Variants in STK32B observed in about 807,000 individuals in gnomAD.
The protein encoded by STK32B is serine/threonine-protein kinase 32B.
STK32B carries 43 observed loss-of-function variants against 52.6 expected under a neutral mutation model. The ratio of observed to expected loss-of-function variants is 0.82; its 90% CI spans 0.64 to 1.05. The LOEUF is 1.05. STK32B is among the 50% of genes least tolerant of loss of function. The pLI, the probability that STK32B is intolerant of heterozygous loss-of-function variation, is 0.00. For missense variants in STK32B, 621 were observed against 534.6 expected (o/e 1.16, Z -1.59); for synonymous variants, 238 against 204.3 (o/e 1.17, Z -1.41).
At chr4:5,497,500 C>T (rs1464403371) in intron 11 of STK32B, among the ~76,000 whole-genome samples, 1 of 152,218 alleles carries the variant, frequency 6.6e-6, no homozygotes, top group Non-Finnish European at 1.5e-5. Context: ...CCATGACCAC[C>T]TTTCCCAGTT....
chr4:5,368,984 C>T (rs2109008860), intron 4 of STK32B, among the ~76,000 whole-genome samples: 1 of 152,196 alleles, frequency 6.6e-6, no homozygotes, highest in Non-Finnish European at 1.5e-5. Context: ...AGAATTGTAG[C>T]TGGGCATGTG....
chr4:5,245,406 C>A (rs1020551150), intron 3 of STK32B, among the ~76,000 whole-genome samples: 53 of 152,236 alleles, frequency 3.5e-4, no homozygotes, highest in African/African-American at 1.2e-3. Context: ...GCAACCCCTG[C>A]CTTTTTTTGT....
chr4:5,047,941 G>A (rs1312550365), upstream of STK32B, among the ~76,000 whole-genome samples: 10 of 152,162 alleles, frequency 6.6e-5, no homozygotes, highest in South Asian at 2.1e-4. Context: ...CTTTTCAAGA[G>A]ACAGAGAAGA....
chr4:5,125,461 C>G (rs1392155685), intron 1 of STK32B, among the ~76,000 whole-genome samples: 1 of 152,208 alleles, frequency 6.6e-6, no homozygotes. Context: ...AGACAGGAAT[C>G]AAGGGATTCA....
At chr4:5,488,015 C>T (rs1719379123) in intron 11 of STK32B, among the ~76,000 whole-genome samples, 1 of 152,108 alleles carries the variant, frequency 6.6e-6, no homozygotes, top group South Asian at 2.1e-4. Flanking sequence ...TAATTTAGGA[C>T]CTAGGCTGGT....
In STK32B at chr4:5,468,082, A is replaced by G. The variant is rs1384215929; in HGVS notation, c.1106+12A>G. The G allele has an allele frequency of 1.2e-6, 2 of 1,613,572 alleles. No individual in the cohort carries two copies. The highest frequency in any genetic ancestry group is 1.7e-6 in the Non-Finnish European group (2 of 1,179,604). On this transcript the variant is annotated intron_variant, in intron 11 of 11. Transcript: ENST00000282908. ...TTCAACAGAGAGAAGTAAGTCCTTC[A>G]TACTGTCCCCCTTGGGCAAAGCCTG...
chr4:5,068,727 A>G (rs919721456), intron 1 of STK32B, among the ~76,000 whole-genome samples: 5 of 152,100 alleles, frequency 3.3e-5, no homozygotes, highest in Admixed American at 2.6e-4. Context: ...CATGACTTTA[A>G]TAGAATTTTT....
Position 5,378,601 on chromosome 4 carries a change from CT to C in STK32B, c.435-19599del, listed in dbSNP as rs1026711265. ...TGTCTTCTCCACTGGTTTGGAAGCCCTTTTTTTCTAATTTTTATGGGTACAT... is the reference window on the plus strand; with the variant it reads ...TGTCTTCTCCACTGGTTTGGAAGCCCTTTTTTCTAATTTTTATGGGTACAT... On this transcript the variant is annotated intron_variant, in intron 4 of 11. Transcript: ENST00000282908. This position sits in a 1 kb window ranked among gnomAD's most constrained non-coding sequence, Gnocchi z 4.4. Among the ~76,000 whole-genome samples, 7 of 151,894 alleles carry C rather than the reference CT, an allele frequency of 4.6e-5. No individual in the cohort carries two copies. The highest frequency in any genetic ancestry group is 1.7e-4 in the African/African-American group (7 of 41,334).
intron 3 of STK32B, among the ~76,000 whole-genome samples, chr4:5,199,722 G>A (rs1160131112): frequency 2.0e-5 from 3 of 151,968 alleles, no homozygotes; most frequent in East Asian, 3.9e-4. Context: ...AATTGTCCAG[G>A]TCTTTAAATG....
At chr4:5,406,803 C>T (rs1278234489) in intron 5 of STK32B, among the ~76,000 whole-genome samples, 1 of 152,178 alleles carries the variant, frequency 6.6e-6, no homozygotes, top group Non-Finnish European at 1.5e-5. Flanking sequence ...TTTAGGCCTC[C>T]AGGCCTATGA....
intron 3 of STK32B, among the ~76,000 whole-genome samples, chr4:5,257,062 A>T (rs886760936): frequency 3.3e-5 from 5 of 149,842 alleles, no homozygotes; most frequent in African/African-American, 1.3e-4. Flanking sequence ...TGAATATGTG[A>T]GTAAATGAAT....
chr4:5,053,056 G>T (rs1377432054), intron 1 of STK32B, among the ~76,000 whole-genome samples: 1 of 152,208 alleles, frequency 6.6e-6, no homozygotes, highest in East Asian at 1.9e-4. Flanking sequence ...GTACATCATG[G>T]ATGGCTTCTA....
At chr4:5,173,013 C>G (rs1577139684) in intron 3 of STK32B, among the ~76,000 whole-genome samples, 1 of 152,302 alleles carries the variant, frequency 6.6e-6, no homozygotes, top group East Asian at 1.9e-4. Flanking sequence ...TTCAGAGATT[C>G]AAATTCTTCT....
intron 3 of STK32B, among the ~76,000 whole-genome samples, chr4:5,302,856 TG>T (rs772400540): frequency 6.6e-6 from 1 of 152,126 alleles, no homozygotes; most frequent in Non-Finnish European, 1.5e-5. Flanking sequence ...CTATGAAGTT[TG>T]GTATTCCATT....
At chr4:5,205,661 G>A (rs1487265168) in intron 3 of STK32B, among the ~76,000 whole-genome samples, 1 of 151,934 alleles carries the variant, frequency 6.6e-6, no homozygotes, top group African/African-American at 2.4e-5. Context: ...GAGTGAGTGA[G>A]TGAGGTGGCA....
At chr4:5,110,032 A>G (rs570718280) in intron 1 of STK32B, among the ~76,000 whole-genome samples, 143 of 152,176 alleles carry the variant, frequency 9.4e-4, no homozygotes, top group Non-Finnish European at 1.7e-3. Context: ...AAACCTGGGA[A>G]TACATTTAAT....
chr4:5,439,471 T>G (rs532901144), intron 6 of STK32B, among the ~76,000 whole-genome samples: 4,711 of 151,102 alleles, frequency 0.031, 239 homozygotes, highest in African/African-American at 0.11. Context: ...TCTTGTAAAT[T>G]TGTTTGAGTT....
intron 2 of STK32B, among the ~76,000 whole-genome samples, chr4:5,144,318 G>A (rs990293474): frequency 3.3e-5 from 5 of 152,104 alleles, no homozygotes; most frequent in Non-Finnish European, 5.9e-5. Context: ...TTAATGAGAT[G>A]GTATAGTAGA....
intron 11 of STK32B, among the ~76,000 whole-genome samples, chr4:5,471,919 C>T (rs1160827469): frequency 6.6e-6 from 1 of 152,188 alleles, no homozygotes; most frequent in African/African-American, 2.4e-5. Context: ...TTAGCAAAAG[C>T]CTACTGGCTG....
Sources: gnomAD v4.1 joint callset for allele counts (sites outside exome capture counted in the v4.1 genomes callset) on GRCh38, gnomAD v4.1.1 for gene constraint, Gnocchi (gnomAD v3.1) non-coding constraint, MANE v1.5 for transcripts, NCBI Gene and HGNC (gene_info 2026-07-23, HGNC 2026-07-21) for gene names.